The following DNAH8 variants were observed in gnomAD, a reference collection of about 807,000 sequenced individuals.
The protein encoded by DNAH8 is axonemal beta dynein heavy chain 8.
Under a neutral mutation model 562.1 loss-of-function variants are expected in DNAH8, and 382 were observed. The observed-to-expected ratio is 0.68, with a 90% CI of 0.63 to 0.74. DNAH8 has a LOEUF of 0.74. DNAH8 is among the 30% of genes least tolerant of loss of function. The pLI is 0.00. For synonymous variants in DNAH8, 1,881 were observed against 1,919.4 expected, an observed-to-expected ratio of 0.98 and a Z score of 0.52; for missense variants, 5,203 against 5,620.4, an observed-to-expected ratio of 0.93 and a Z score of 2.37.
At chr6:39,007,869 T>C (rs1256805205) in intron 88 of DNAH8, among the ~76,000 whole-genome samples, 1 of 151,760 alleles carries the variant, frequency 6.6e-6, no homozygotes, top group Non-Finnish European at 1.5e-5. Context: ...CTTTTACTAA[T>C]CTTCTAGTGT....
At chr6:39,019,025 G>A (rs994229394) in intron 91 of DNAH8, among the ~76,000 whole-genome samples, 12 of 152,180 alleles carry the variant, frequency 7.9e-5, no homozygotes, top group African/African-American at 2.7e-4. Context: ...AGTTGGAGGA[G>A]TAGGTATAAG....
chr6:38,814,943 A>G (rs1772110941), intron 25 of DNAH8, among the ~76,000 whole-genome samples: 1 of 152,266 alleles, frequency 6.6e-6, no homozygotes, highest in Non-Finnish European at 1.5e-5. Context: ...GCATTCTGCG[A>G]TGGGTCAAAG....
intron 53 of DNAH8, among the ~76,000 whole-genome samples, chr6:38,879,165 G>T (rs1315891957): frequency 6.6e-6 from 1 of 152,034 alleles, no homozygotes; most frequent in Admixed American, 6.5e-5. Context: ...ATTTAAGGAA[G>T]AAATAATACC....
In DNAH8 at chr6:38,899,798, C is replaced by T. The variant is rs1048366327; in HGVS notation, c.9086C>T (p.Ser3029Leu). 28 of 1,613,230 alleles carry T rather than the reference C, an allele frequency of 1.7e-5. No individual in the cohort carries two copies. Among genetic ancestry groups the T allele is most frequent in the Non-Finnish European group, 2.1e-5 (25 of 1,179,666 alleles). Reference protein sequence around the residue: ...LIKISRIIRTSCGNALLVGVG... With the variant: ...LIKISRIIRTLCGNALLVGVG... ...CAGATTTCACGAATAATTCGAACGT[C>T]GTGTGGAAATGCATTGCTGGTGGGT... The change falls in exon 62 of 93, where the codon TCG becomes TTG. Residue 3029 changes from serine to leucine, a missense_variant. Coordinates refer to ENST00000327475, the MANE Select transcript of DNAH8 (RefSeq NM_001206927.2).
chr6:38,718,978 C>T (rs1348940045), intron 1 of DNAH8, among the ~76,000 whole-genome samples: 2 of 152,108 alleles, frequency 1.3e-5, no homozygotes, highest in Non-Finnish European at 2.9e-5. Context: ...TCCTTTAAGG[C>T]CAACTAATGT....
At chr6:38,933,738 A>G (rs541539416) in intron 76 of DNAH8, among the ~76,000 whole-genome samples, 1 of 152,284 alleles carries the variant, frequency 6.6e-6, no homozygotes, top group African/African-American at 2.4e-5. Context: ...TGGCAATAAC[A>G]CTAGTCTTGG....
rs1362510994 is a variant in DNAH8, at chr6:38,890,681, T to C, written c.8503T>C (p.Cys2835Arg). Reference sequence around the variant, plus strand: ...TATTGGATGTGGATACTTTGATCCTTGTAGAAGTTTCAAGCCTCAAATATG... The same window carrying C: ...TATTGGATGTGGATACTTTGATCCTCGTAGAAGTTTCAAGCCTCAAATATG... ...GIIGCGYFDP[C>R]RSFKPQICEM... is the part of the protein sequence containing the mutation. The change falls in exon 58 of 93, where the codon TGT becomes CGT. Residue 2835 changes from cysteine (C) to arginine (R), a missense_variant. Cys to Arg is a radical substitution (Grantham distance 180). Coordinates refer to ENST00000327475, the MANE Select transcript of DNAH8 (RefSeq NM_001206927.2). 6.2e-7 allele frequency: 1 copy of C among 1,613,484 alleles called. No individual in the cohort carries two copies. The highest frequency in any genetic ancestry group is 1.3e-5 in the African/African-American group (1 of 74,922).
chr6:38,727,003 G>C (rs985072678), intron 3 of DNAH8, among the ~76,000 whole-genome samples: 19 of 151,742 alleles, frequency 1.3e-4, no homozygotes, highest in African/African-American at 4.4e-4. Flanking sequence ...GACTACGGGT[G>C]CGTGCCACCA....
intron 4 of DNAH8, among the ~76,000 whole-genome samples, chr6:38,733,404 A>T (rs938813427): frequency 1.3e-5 from 2 of 152,198 alleles, no homozygotes; most frequent in Non-Finnish European, 2.9e-5. Context: ...CAATGAGTGT[A>T]TTTGGTACAG....
rs1350183725 is a variant in DNAH8 at position 38,826,228 on chromosome 6, A to C, written c.3920A>C (p.Glu1307Ala). ...KMLLCRYLNE[E>A]YKKKMSYMIA... Reference sequence around the variant, plus strand: ...TTACTCTGTCGATATCTGAATGAAGAATACAAAAAGAAAATGTCATACATG... The same window carrying C: ...TTACTCTGTCGATATCTGAATGAAGCATACAAAAAGAAAATGTCATACATG... Residue 1307 changes from glutamate (E) to alanine (A), a missense_variant, in exon 29 of 93, where the codon GAA becomes GCA. Transcript: ENST00000327475. 6.2e-7 allele frequency: 1 copy of C among 1,613,652 alleles called. No homozygotes were observed. The highest frequency in any genetic ancestry group is 8.5e-7 in the Non-Finnish European group (1 of 1,179,850).
chr6:39,005,191 T>C (rs924983310), intron 88 of DNAH8, among the ~76,000 whole-genome samples: 5 of 152,066 alleles, frequency 3.3e-5, no homozygotes, highest in African/African-American at 9.7e-5. Flanking sequence ...GTGGGTGAAT[T>C]GCCTGAGCTC....
chr6:38,763,833 C>T (rs887610007), intron 11 of DNAH8: 1 of 152,712 alleles, frequency 6.5e-6, no homozygotes, highest in Non-Finnish European at 1.5e-5. Context: ...AAGAGAAAGC[C>T]GAGAAAGAAG....
intron 9 of DNAH8, among the ~76,000 whole-genome samples, chr6:38,755,153 A>C (rs1765796524): frequency 6.6e-6 from 1 of 152,104 alleles, no homozygotes; most frequent in African/African-American, 2.4e-5. Context: ...TAGATTCCTC[A>C]TCTTGGGTGT....
At chr6:38,947,838 C>G (rs1304757257) in intron 80 of DNAH8, among the ~76,000 whole-genome samples, 1 of 151,832 alleles carries the variant, frequency 6.6e-6, no homozygotes, top group East Asian at 1.9e-4. Context: ...ACCTCCAGCT[C>G]CTGGGTTGAA....
chr6:38,989,295 G>A (rs1764622903), intron 87 of DNAH8, among the ~76,000 whole-genome samples: 1 of 152,084 alleles, frequency 6.6e-6, no homozygotes, highest in Admixed American at 6.6e-5. Flanking sequence ...GTAAGTCATT[G>A]CCTCAAATCT....
At position 38,852,721 on chromosome 6, in the gene DNAH8, A is replaced by T; in HGVS notation, c.5494A>T (p.Ile1832Phe). ...GCATCTCCCTGCAGTATCTGACAAC[A>T]TCAATGAGGTGACATTTCATGCAAA... ...QPHLPAVSDNINEVTFHAKDY... is the reference protein window; with the variant it reads ...QPHLPAVSDNFNEVTFHAKDY... The change falls in exon 40 of 93, where the codon ATC (isoleucine) becomes TTC (phenylalanine). Residue 1832 changes from isoleucine to phenylalanine, a missense_variant. Ile to Phe is a conservative substitution (Grantham distance 21). Coordinates refer to ENST00000327475, the MANE Select transcript of DNAH8 (RefSeq NM_001206927.2). The T allele has an allele frequency of 6.2e-7, 1 of 1,613,820 alleles. No homozygotes were observed. The highest frequency in any genetic ancestry group is 8.5e-7 in the Non-Finnish European group (1 of 1,179,798).
At chr6:39,008,709 TAGCTTGCTTTGA>T in intron 88 of DNAH8, 93 bp from the exon 89 acceptor site, 4 of 599,332 alleles carry the variant, frequency 6.7e-6, no homozygotes, top group Non-Finnish European at 1.1e-5. Context: ...TTTTTTTTTG[TAGCTTGCTTTGA>T]TTTAAGTGAT....
chr6:38,803,226 T>C lies in DNAH8; in HGVS notation c.2949T>C (p.His983=). Residue 983 remains histidine, a synonymous_variant, in exon 22 of 93, where the codon CAT becomes CAC. Coordinates refer to ENST00000327475, the MANE Select transcript of DNAH8 (RefSeq NM_001206927.2). ...ACATTCTAAACCACAAAAGTAAGCATGTGGAAGAAGCTGTCAGAGAACTTA... is the reference window on the plus strand; with the variant it reads ...ACATTCTAAACCACAAAAGTAAGCACGTGGAAGAAGCTGTCAGAGAACTTA... The part of the protein sequence containing the change: ...WADILNHKSK[H]VEEAVRELIS... The C allele has an allele frequency of 6.2e-7, 1 of 1,609,740 alleles. No individual in the cohort carries two copies. The highest frequency in any genetic ancestry group is 1.1e-5 in the South Asian group (1 of 90,122).
chr6:38,776,528 T>C lies in DNAH8; in HGVS notation c.1962+577T>C, dbSNP rs547702245. On this transcript the variant is annotated intron_variant, in intron 13 of 92. Transcript: ENST00000327475. ...CCACTGCACCCAGCCTCATTTTTAA[T>C]ATACATTAAAATTTGTATTTGCTTC... Among the ~76,000 whole-genome samples, 5 of 152,330 alleles carry C rather than the reference T, an allele frequency of 3.3e-5. No individual in the cohort carries two copies. The East Asian group carries it at 7.7e-4, about 23-fold the overall frequency.
Sources: gnomAD v4.1 joint callset for allele counts (sites outside exome capture counted in the v4.1 genomes callset) on GRCh38, gnomAD v4.1.1 for gene constraint, MANE v1.5 for transcripts, NCBI Gene and HGNC (gene_info 2026-07-23, HGNC 2026-07-21) for gene names.